Variants in AKAP13 observed in about 807,000 individuals in gnomAD.
AKAP13 encodes the protein A-kinase anchoring protein 13, also known as A-kinase anchor protein 13.
AKAP13 carries 80 observed loss-of-function variants against 264.5 expected under a neutral mutation model. That is an observed-to-expected ratio of 0.30 (90% CI 0.25 to 0.36). AKAP13 has a LOEUF of 0.36. AKAP13 is among the 10% of genes least tolerant of loss of function. The pLI is 1.00. For synonymous variants in AKAP13, 1,380 were observed against 1,250.2 expected, an observed-to-expected ratio of 1.10 and a Z score of -2.19; for missense variants, 3,712 against 3,435.2, an observed-to-expected ratio of 1.08 and a Z score of -2.01.
At chr15:85,611,749 A>G (rs1365196570) in intron 8 of AKAP13, among the ~76,000 whole-genome samples, 1 of 152,144 alleles carries the variant, frequency 6.6e-6, no homozygotes, top group Non-Finnish European at 1.5e-5. Context: ...CACAAGTAAC[A>G]TGTTCAGCTG....
intron 1 of AKAP13, among the ~76,000 whole-genome samples, chr15:85,435,153 C>T (rs2073217574): frequency 7.1e-6 from 1 of 140,094 alleles, no homozygotes; most frequent in Non-Finnish European, 1.6e-5. Context: ...AAAACCAAGG[C>T]TCGAGAACTA....
chr15:85,560,333 G>C (rs948779742), intron 5 of AKAP13, among the ~76,000 whole-genome samples: 4 of 151,782 alleles, frequency 2.6e-5, no homozygotes, highest in African/African-American at 7.3e-5. Flanking sequence ...GCAAAGAGTG[G>C]GGGTGGTCTC....
At chr15:85,520,199 C>T (rs2151150391) in intron 2 of AKAP13, among the ~76,000 whole-genome samples, 1 of 152,060 alleles carries the variant, frequency 6.6e-6, no homozygotes, top group East Asian at 1.9e-4. Flanking sequence ...ATAAAAACTA[C>T]TAAAGAGTAT....
At chr15:85,475,063 T>C (rs931037842) in intron 1 of AKAP13, among the ~76,000 whole-genome samples, 2 of 152,114 alleles carry the variant, frequency 1.3e-5, no homozygotes, top group South Asian at 4.1e-4. Context: ...TTCCAGGTGG[T>C]TTATAATTGG....
At position 85,526,783 on chromosome 15, in the gene AKAP13, C is replaced by T. The variant is rs571161737; in HGVS notation, c.181+5208C>T. ...TTTATTGGACTTTTTCTAACAGTCT[C>T]CCTATTCTGAAATACTCTCAAGCTA... On this transcript the variant is annotated intron_variant, in intron 3 of 36. Transcript: ENST00000394518. Among the ~76,000 whole-genome samples, 6 of 152,208 alleles carry T rather than the reference C, an allele frequency of 3.9e-5. No homozygotes were observed. In the South Asian group the frequency reaches 6.2e-4, roughly 16 times the overall value.
chr15:85,650,381 T>C lies in AKAP13; in HGVS notation c.4374+4427T>C, dbSNP rs1015104671. ...TGAAGTTCAAGGCTGCAATGAGCTG[T>C]GATTGTGCAACTGCACTCCAGCCTG... On this transcript the variant is annotated intron_variant, in intron 10 of 36. Transcript: ENST00000394518. 3.3e-5 allele frequency among the ~76,000 whole-genome samples: 5 copies of C among 151,976 alleles called. No homozygotes were observed. The South Asian group carries it at 1.0e-3, about 32-fold the overall frequency.
chr15:85,697,678 G>A (rs1305515432), intron 17 of AKAP13, among the ~76,000 whole-genome samples: 1 of 152,140 alleles, frequency 6.6e-6, no homozygotes, highest in Non-Finnish European at 1.5e-5. Context: ...AAAATTTAAA[G>A]CATGGAAATA....
chr15:85,651,901 A>C (rs2082870760), intron 10 of AKAP13, among the ~76,000 whole-genome samples: 1 of 152,242 alleles, frequency 6.6e-6, no homozygotes, highest in African/African-American at 2.4e-5. Context: ...GTATAGGTTT[A>C]GTTTGCTAAG....
At position 85,658,562 on chromosome 15, in the gene AKAP13, G is replaced by T; in HGVS notation, c.4771G>T (p.Val1591Phe). ...RSSMRVLGDV[V>F]RRPPIHRRSF... ...TTCAATGCGAGTTCTTGGGGATGTT[G>T]TCAGGAGACCTCCCATTCATAGGAG... Residue 1591 changes from valine to phenylalanine, a missense_variant, in exon 12 of 37, where the codon GTC becomes TTC. Val to Phe is a conservative substitution (Grantham distance 50). Transcript: ENST00000394518. The T allele has an allele frequency of 6.2e-7, 1 of 1,613,928 alleles. No individual in the cohort carries two copies. The highest frequency in any genetic ancestry group is 1.1e-5 in the South Asian group (1 of 91,046).
Position 85,724,484 on chromosome 15 carries a change from C to T in AKAP13, c.6745+1164C>T, listed in dbSNP as rs75651080. ...AGCACAGAGTTGAAAGGGTGTGGCACATCCAGGGAAGAGTGGACACCCGGG... is the reference window on the plus strand; with the variant it reads ...AGCACAGAGTTGAAAGGGTGTGGCATATCCAGGGAAGAGTGGACACCCGGG... On this transcript the variant is annotated intron_variant, in intron 26 of 36. Transcript: ENST00000394518. The surrounding 1 kb of genome is among the most constrained non-coding windows in gnomAD (Gnocchi z 4.2). 2.5e-3 allele frequency among the ~76,000 whole-genome samples: 342 copies of T among 135,192 alleles called. 2 individuals carry two copies. The highest frequency in any genetic ancestry group is 9.5e-3 in the African/African-American group (332 of 34,852). 88.7% of individuals were successfully genotyped at this position (135,192 alleles called of 152,430 possible). A position where few individuals can be genotyped will look rare whatever the true frequency, so the allele number is the denominator to read the frequency against.
intron 5 of AKAP13, among the ~76,000 whole-genome samples, chr15:85,559,818 G>A (rs924828198): frequency 2.0e-5 from 3 of 152,084 alleles, no homozygotes; most frequent in Non-Finnish European, 2.9e-5. Context: ...GGCCTAACAC[G>A]CCATAGACTG....
At chr15:85,621,711 C>T (rs1596755484) in intron 8 of AKAP13, among the ~76,000 whole-genome samples, 4 of 152,236 alleles carry the variant, frequency 2.6e-5, no homozygotes, top group South Asian at 2.1e-4. Context: ...CTTCCATATA[C>T]GTTACTTAAT....
At chr15:85,622,500 G>C (rs1459534328) in intron 8 of AKAP13, among the ~76,000 whole-genome samples, 3 of 152,162 alleles carry the variant, frequency 2.0e-5, no homozygotes, top group Non-Finnish European at 4.4e-5. Context: ...GGAAGAGCAG[G>C]GCCTTAACAG....
intron 11 of AKAP13, among the ~76,000 whole-genome samples, chr15:85,656,889 A>G (rs2083123832): frequency 6.6e-6 from 1 of 152,220 alleles, no homozygotes; most frequent in Admixed American, 6.5e-5. Flanking sequence ...AAAACAGATA[A>G]GGGATGAGGC....
intron 3 of AKAP13, among the ~76,000 whole-genome samples, chr15:85,526,655 T>C (rs2077054991): frequency 6.6e-6 from 1 of 152,164 alleles, no homozygotes; most frequent in Non-Finnish European, 1.5e-5. Flanking sequence ...TGAAAAGAAG[T>C]TGTAGACTTT....
chr15:85,468,932 TAATCAGAC>T (rs1567072805), intron 1 of AKAP13, among the ~76,000 whole-genome samples: 67 of 137,428 alleles, frequency 4.9e-4, no homozygotes, highest in African/African-American at 1.1e-3. Flanking sequence ...TTTTTTTTTT[TAATCAGAC>T]TTTTGCTCTT....
intron 7 of AKAP13, 142 bp from the exon 8 acceptor site, chr15:85,585,560 A>G: frequency 8.4e-7 from 1 of 1,185,738 alleles, no homozygotes; most frequent in Non-Finnish European, 1.2e-6. Flanking sequence ...AAATGACACT[A>G]GCCGCTGACA....
intron 8 of AKAP13, among the ~76,000 whole-genome samples, chr15:85,612,562 T>C (rs1361033803): frequency 1.3e-5 from 2 of 152,156 alleles, no homozygotes; most frequent in African/African-American, 4.8e-5. Flanking sequence ...GGCTCACACC[T>C]GTAAATCCCA....
chr15:85,703,746 G>T (rs2086062147), intron 17 of AKAP13, among the ~76,000 whole-genome samples: 1 of 151,700 alleles, frequency 6.6e-6, no homozygotes. Flanking sequence ...AGGAGGCTGA[G>T]ACAGCAGAAT....
Sources: gnomAD v4.1 joint callset for allele counts (sites outside exome capture counted in the v4.1 genomes callset) on GRCh38, gnomAD v4.1.1 for gene constraint, Gnocchi (gnomAD v3.1) non-coding constraint, MANE v1.5 for transcripts, NCBI Gene and HGNC (gene_info 2026-07-23, HGNC 2026-07-21) for gene names.